The following ZC3H3 variants were observed in gnomAD, a reference collection of about 807,000 sequenced individuals.
ZC3H3 encodes zinc finger CCCH domain-containing protein 3.
Under a neutral mutation model 77.3 loss-of-function variants are expected in ZC3H3, and 36 were observed. The ratio of observed to expected loss-of-function variants is 0.47; its 90% CI spans 0.36 to 0.61. The LOEUF is 0.61. ZC3H3 is among the 20% of genes least tolerant of loss of function. The probability of loss-of-function intolerance (pLI) is 0.00; values close to 1 mark genes in which losing one functional copy is unlikely to be tolerated. For missense variants in ZC3H3, 1,331 were observed against 1,312.2 expected (o/e 1.01, Z -0.22); for synonymous variants, 626 against 555.2 (o/e 1.13, Z -1.79).
intron 3 of ZC3H3, among the ~76,000 whole-genome samples, chr8:143,527,940 GCCACGCCCACA>G (rs1371136130): frequency 6.6e-6 from 1 of 152,092 alleles, no homozygotes; most frequent in Non-Finnish European, 1.5e-5. Flanking sequence ...CTCCCGCCAG[GCCACGCCCACA>G]CCACGCCTGG....
At chr8:143,448,557 T>C (rs1277222815) in intron 9 of ZC3H3, among the ~76,000 whole-genome samples, 3 of 152,254 alleles carry the variant, frequency 2.0e-5, no homozygotes, top group Non-Finnish European at 4.4e-5. Flanking sequence ...GGCACAGTGA[T>C]GCAAGGGGAG....
intron 4 of ZC3H3, among the ~76,000 whole-genome samples, chr8:143,496,207 G>A (rs563594214): frequency 6.6e-6 from 1 of 152,266 alleles, no homozygotes; most frequent in East Asian, 1.9e-4. Context: ...CATGGGAGTG[G>A]GAGCAGACAC....
chr8:143,534,894 G>A (rs1303127722), intron 3 of ZC3H3, among the ~76,000 whole-genome samples: 1 of 151,894 alleles, frequency 6.6e-6, no homozygotes, highest in East Asian at 1.9e-4. Flanking sequence ...CCACTGTGCT[G>A]CAACACCCGG....
intron 3 of ZC3H3, among the ~76,000 whole-genome samples, chr8:143,517,679 C>T (rs570863218): frequency 1.3e-5 from 2 of 152,230 alleles, no homozygotes; most frequent in South Asian, 2.1e-4. Flanking sequence ...CCCAGGCCTG[C>T]GGCTCACCTG....
At chr8:143,523,517 C>T (rs1822317581) in intron 3 of ZC3H3, 4 of 985,316 alleles carry the variant, frequency 4.1e-6, no homozygotes, top group African/African-American at 1.7e-5. Context: ...GAAGCCACCT[C>T]AGGACAACTG....
chr8:143,447,307 G>C (rs1266128615), intron 9 of ZC3H3, among the ~76,000 whole-genome samples: 2 of 152,306 alleles, frequency 1.3e-5, no homozygotes, highest in Middle Eastern at 3.4e-3. Flanking sequence ...CAAAATCAAA[G>C]CTGCCCCCTC....
chr8:143,501,332 T>G (rs1821519072), intron 4 of ZC3H3, among the ~76,000 whole-genome samples: 1 of 152,104 alleles, frequency 6.6e-6, no homozygotes, highest in African/African-American at 2.4e-5. Flanking sequence ...GTCTCCCAAG[T>G]AGTTGAACCC....
intron 3 of ZC3H3, among the ~76,000 whole-genome samples, chr8:143,508,133 G>A (rs893938289): frequency 1.3e-5 from 2 of 152,238 alleles, no homozygotes; most frequent in African/African-American, 2.4e-5. Flanking sequence ...CACCAGCCCC[G>A]CACACCCTCC....
intron 3 of ZC3H3, among the ~76,000 whole-genome samples, chr8:143,535,487 A>C (rs1017661197): frequency 1.3e-5 from 2 of 152,346 alleles, no homozygotes; most frequent in Admixed American, 1.3e-4. Context: ...AGAGTCGCAC[A>C]GGACCAGGTG....
intron 9 of ZC3H3, among the ~76,000 whole-genome samples, chr8:143,463,269 G>A (rs570780980): frequency 6.6e-6 from 1 of 151,286 alleles, no homozygotes; most frequent in East Asian, 2.0e-4. Context: ...ACAGGTGTGA[G>A]CCACCGCGCC....
intron 9 of ZC3H3, among the ~76,000 whole-genome samples, chr8:143,455,111 C>T (rs1256885326): frequency 1.3e-5 from 2 of 151,708 alleles, no homozygotes; most frequent in Admixed American, 6.6e-5. Flanking sequence ...GTCAGGAGTT[C>T]GAGACCACCC....
At chr8:143,441,359 C>T (rs550464587) in intron 9 of ZC3H3, among the ~76,000 whole-genome samples, 2 of 152,352 alleles carry the variant, frequency 1.3e-5, no homozygotes, top group Admixed American at 1.3e-4. Context: ...TGGGCACAGA[C>T]TGAGAGCAGG....
intron 4 of ZC3H3, among the ~76,000 whole-genome samples, chr8:143,481,396 C>T (rs1413066777): frequency 1.3e-5 from 2 of 152,136 alleles, no homozygotes; most frequent in African/African-American, 4.8e-5. Context: ...TCCCACCCCA[C>T]GTGAGCCCCT....
intron 5 of ZC3H3, among the ~76,000 whole-genome samples, chr8:143,473,063 T>C (rs1820620574): frequency 6.6e-6 from 1 of 152,226 alleles, no homozygotes; most frequent in South Asian, 2.1e-4. Flanking sequence ...GGCTCTCGCG[T>C]ACGTCAGGAC....
At chr8:143,457,606 C>A (rs1820155149) in intron 9 of ZC3H3, among the ~76,000 whole-genome samples, 1 of 152,060 alleles carries the variant, frequency 6.6e-6, no homozygotes, top group South Asian at 2.1e-4. Flanking sequence ...GTAGCAGGGA[C>A]CTGTAGTCTC....
chr8:143,489,581 C>T (rs138999885), intron 4 of ZC3H3, among the ~76,000 whole-genome samples: 2,799 of 152,344 alleles, frequency 0.018, 78 homozygotes, highest in African/African-American at 0.064. Context: ...GCCCCAGGAC[C>T]GCCCCAGGCA....
At position 143,472,763 on chromosome 8, in the gene ZC3H3, A is replaced by G. The variant is rs1456502108; in HGVS notation, c.1903+2635T>C. Among the ~76,000 whole-genome samples the G allele has an allele frequency of 2.0e-5, 3 of 152,212 alleles. No individual in the cohort carries two copies. In the South Asian group the frequency reaches 6.2e-4, roughly 32 times the overall value. ...GGCCCCGGTGCGGGGAGACGGACCC[A>G]TGCCACAAGCCCCTCCGTGGGTCCC... On this transcript the variant is annotated intron_variant, in intron 5 of 11. Coordinates refer to ENST00000262577, the MANE Select transcript of ZC3H3 (RefSeq NM_015117.3).
intron 3 of ZC3H3, among the ~76,000 whole-genome samples, chr8:143,528,629 C>T (rs759566636): frequency 9.2e-5 from 14 of 152,350 alleles, no homozygotes; most frequent in South Asian, 6.2e-4. Context: ...CGACCTCCAC[C>T]GGCCTGCACA....
At chr8:143,527,372 G>C (rs1563881070) in intron 3 of ZC3H3, among the ~76,000 whole-genome samples, 1 of 152,172 alleles carries the variant, frequency 6.6e-6, no homozygotes, top group Non-Finnish European at 1.5e-5. Flanking sequence ...TGGGGACCCA[G>C]GGTCCTACGG....
Sources: allele counts gnomAD v4.1 joint callset (sites outside exome capture counted in the v4.1 genomes callset), GRCh38; gene constraint gnomAD v4.1.1; transcripts MANE v1.5; gene names NCBI Gene and HGNC (gene_info 2026-07-23, HGNC 2026-07-21).